Variants in HAUS1 observed in about 807,000 individuals in gnomAD.
HAUS1 encodes the protein HAUS augmin like complex subunit 1.
A neutral mutation model predicts 38.6 loss-of-function variants in HAUS1; 25 were observed. The ratio of observed to expected loss-of-function variants is 0.65; its 90% confidence interval spans 0.47 to 0.91. The LOEUF is 0.91. HAUS1 is among the 40% of genes least tolerant of loss of function. The pLI, the probability that HAUS1 is intolerant of heterozygous loss-of-function variation, is 0.00. For synonymous variants in HAUS1, 109 were observed against 112.9 expected, an observed-to-expected ratio of 0.97 and a Z score of 0.22; for missense variants, 325 against 328.4, an observed-to-expected ratio of 0.99 and a Z score of 0.08.
chr18:46,121,906 A>G (rs1463053065), intron 4 of HAUS1, among the ~76,000 whole-genome samples: 5 of 152,094 alleles, frequency 3.3e-5, no homozygotes, highest in African/African-American at 9.7e-5. Context: ...CAGTGGTACA[A>G]TCTCAGCTCA....
chr18:46,109,622 C>CT (rs754455444), intron 2 of HAUS1: 43 of 146,082 alleles, frequency 2.9e-4, no homozygotes, highest in East Asian at 7.9e-4. Context: ...TTTTTCTTTT[C>CT]TTTTTTTTTT....
intron 2 of HAUS1, 176 bp downstream of exon 2, chr18:46,105,544 ATATGTATGTGTGTG>A: frequency 2.0e-6 from 1 of 500,932 alleles, no homozygotes; most frequent in South Asian, 2.5e-5. Context: ...ATATATATGT[ATATGTATGTGTGTG>A]TGTGTGTGTG....
intron 8 of HAUS1, 105 bp downstream of exon 8, chr18:46,125,896 T>C: frequency 1.4e-6 from 1 of 732,818 alleles, no homozygotes; most frequent in East Asian, 2.7e-5. Context: ...AGTGGTAAGC[T>C]GCAGTCCTAA....
chr18:46,123,820 G>GT (rs1912019871), intron 6 of HAUS1, among the ~76,000 whole-genome samples: 1 of 152,094 alleles, frequency 6.6e-6, no homozygotes, highest in African/African-American at 2.4e-5. Context: ...TATTCTTAAC[G>GT]TTTTTCATAC....
Position 46,119,392 on chromosome 18 carries a change from A to G in HAUS1, c.342-534A>G, listed in dbSNP as rs756808323. On this transcript the variant is annotated intron_variant, in intron 3 of 8. Transcript: ENST00000282058. ...TTGTATAAGCACTGGGGAAGCAGGG[A>G]TGAATCATATAATTTCTTGCCTTTT... Among the ~76,000 whole-genome samples, 8 of 152,094 alleles carry G rather than the reference A, an allele frequency of 5.3e-5. No homozygotes were observed. The South Asian group carries it at 1.2e-3, about 24-fold the overall frequency.
intron 5 of HAUS1, 48 bp from the exon 6 acceptor site, chr18:46,123,250 CA>C (rs1912000101): frequency 1.7e-6 from 2 of 1,192,872 alleles, no homozygotes; most frequent in African/African-American, 3.1e-5. Context: ...TGATGGTGGT[CA>C]CTTTTCAAAT....
rs1237508651 is a variant in HAUS1 at position 46,105,186 on chromosome 18, A to G, written c.31-8A>G. The G allele has an allele frequency of 6.3e-7, 1 of 1,595,626 alleles. No homozygotes were observed. Among genetic ancestry groups the G allele is most frequent in the Non-Finnish European group, 8.6e-7 (1 of 1,167,868 alleles). On this transcript the variant is annotated splice_polypyrimidine_tract_variant and splice_region_variant and intron_variant, in intron 1 of 8. Transcript: ENST00000282058. ...GCTTATAATATTTGTCTTTCTTTTA[A>G]TGGTTAGGTTGCTGCGTGGTTAAAA...
intron 5 of HAUS1, 114 bp downstream of exon 5, chr18:46,122,704 TG>T (rs1266895805): frequency 8.3e-7 from 1 of 1,205,330 alleles, no homozygotes. Context: ...ATAGAGAAGT[TG>T]GTAAGTTGCC....
intron 4 of HAUS1, 75 bp from the exon 5 acceptor site, chr18:46,122,392 T>TTAC (rs1335177241): frequency 2.7e-6 from 4 of 1,472,816 alleles, no homozygotes; most frequent in Non-Finnish European, 3.8e-6. Flanking sequence ...AATCCAAAAG[T>TTAC]AGTAGAGTTT....
At chr18:46,108,618 T>C (rs1911536578) in intron 2 of HAUS1, among the ~76,000 whole-genome samples, 1 of 152,192 alleles carries the variant, frequency 6.6e-6, no homozygotes, top group Non-Finnish European at 1.5e-5. Flanking sequence ...TTCATAAGTT[T>C]TGTTGCATTG....
chr18:46,114,040 T>C (rs770750916), intron 2 of HAUS1, among the ~76,000 whole-genome samples: 3 of 152,200 alleles, frequency 2.0e-5, no homozygotes, highest in Admixed American at 6.6e-5. Flanking sequence ...TTTTCAACAA[T>C]GCCCTGGGCA....
chr18:46,119,960 C>T lies in HAUS1; in HGVS notation c.376C>T (p.Leu126Phe). The T allele has an allele frequency of 6.2e-7, 1 of 1,607,072 alleles. No homozygotes were observed. The highest frequency in any genetic ancestry group is 1.7e-5 in the Admixed American group (1 of 58,362). Residue 126 changes from leucine (L) to phenylalanine (F), a missense_variant, in exon 4 of 9, where the codon CTC (leucine) becomes TTC (phenylalanine). Coordinates refer to ENST00000282058, the MANE Select transcript of HAUS1 (RefSeq NM_138443.4). ...TGCAGTGAATGATTTGACCTCTGAT[C>T]TCTTTCGTACCAAATCCAAAAGTGA... ...IPAVNDLTSD[L>F]FRTKSKSEEI...
intron 3 of HAUS1, 26 bp downstream of exon 3, chr18:46,118,342 C>T: frequency 6.2e-7 from 1 of 1,610,724 alleles, no homozygotes; most frequent in South Asian, 1.1e-5. Flanking sequence ...GTTTTAATTT[C>T]CGCAATCATA....
At chr18:46,114,039 A>G (rs1224812338) in intron 2 of HAUS1, among the ~76,000 whole-genome samples, 2 of 152,212 alleles carry the variant, frequency 1.3e-5, no homozygotes, top group Non-Finnish European at 2.9e-5. Flanking sequence ...GTTTTCAACA[A>G]TGCCCTGGGC....
At chr18:46,120,786 A>C (rs947018973) in intron 4 of HAUS1, among the ~76,000 whole-genome samples, 1 of 151,804 alleles carries the variant, frequency 6.6e-6, no homozygotes, top group Admixed American at 6.6e-5. Flanking sequence ...GGGTTTCACC[A>C]TATTGGCCAG....
At position 46,118,187 on chromosome 18, in the gene HAUS1, A is replaced by G. The variant is rs771841708; in HGVS notation, c.212A>G (p.Tyr71Cys). 5.0e-6 allele frequency: 8 copies of G among 1,611,524 alleles called. No individual in the cohort carries two copies. The highest frequency in any genetic ancestry group is 6.8e-6 in the Non-Finnish European group (8 of 1,179,808). The stretch of plus-strand genomic sequence containing the variant: ...AACTCTTTCATGTTTTTAGCCAAGT[A>G]TCTTCAAGACCTTCTCATGGAGAGT... The part of the protein sequence containing the change: ...KASEYESEAK[Y>C]LQDLLMESVN... The change falls in exon 3 of 9, where the codon TAT becomes TGT. Residue 71 changes from tyrosine to cysteine, a missense_variant. Coordinates refer to ENST00000282058, the MANE Select transcript of HAUS1 (RefSeq NM_138443.4).
chr18:46,119,151 G>A (rs569087939), intron 3 of HAUS1, among the ~76,000 whole-genome samples: 1 of 152,260 alleles, frequency 6.6e-6, no homozygotes, highest in Non-Finnish European at 1.5e-5. Context: ...TTACAGGCGT[G>A]AGCCACTGCG....
At chr18:46,114,575 G>A (rs887717417) in intron 2 of HAUS1, among the ~76,000 whole-genome samples, 1 of 152,214 alleles carries the variant, frequency 6.6e-6, no homozygotes, top group Non-Finnish European at 1.5e-5. Context: ...TACTCAAGGA[G>A]CTTCCATTCC....
At chr18:46,116,303 T>C (rs1911794869) in intron 2 of HAUS1, among the ~76,000 whole-genome samples, 1 of 152,086 alleles carries the variant, frequency 6.6e-6, no homozygotes, top group South Asian at 2.1e-4. Flanking sequence ...GGCTCACACC[T>C]GTAATCCCAC....
Sources: allele counts gnomAD v4.1 joint callset (sites outside exome capture counted in the v4.1 genomes callset), GRCh38; gene constraint gnomAD v4.1.1; transcripts MANE v1.5; gene names NCBI Gene and HGNC (gene_info 2026-07-23, HGNC 2026-07-21).